Variants in CTNND2 observed in about 807,000 individuals in gnomAD.
The protein encoded by CTNND2 is catenin delta-2.
In CTNND2, 22 loss-of-function variants were observed where a neutral mutation model predicts 144.4. The ratio of observed to expected loss-of-function variants is 0.15; its 90% confidence interval spans 0.11 to 0.22. CTNND2 has a LOEUF of 0.22. CTNND2 is among the 10% of genes least tolerant of loss of function. The pLI is 1.00. For synonymous variants in CTNND2, 751 were observed against 695.6 expected (o/e 1.08, Z -1.25); for missense variants, 1,353 against 1,618.8 (o/e 0.84, Z 2.82).
intron 6 of CTNND2, among the ~76,000 whole-genome samples, chr5:11,394,644 AATATTTT>A (rs1400216056): frequency 6.6e-6 from 1 of 152,212 alleles, no homozygotes; most frequent in Admixed American, 6.5e-5. Flanking sequence ...TCAGAGAACA[AATATTTT>A]ATGGCAATTT....
intron 3 of CTNND2, among the ~76,000 whole-genome samples, chr5:11,438,463 T>C (rs879619453): frequency 2.0e-5 from 3 of 152,100 alleles, no homozygotes; most frequent in Non-Finnish European, 4.4e-5. Context: ...ACACGTGGTG[T>C]TGAGAAAAGC....
At chr5:11,661,940 A>G (rs1783228872) in intron 2 of CTNND2, among the ~76,000 whole-genome samples, 1 of 151,606 alleles carries the variant, frequency 6.6e-6, no homozygotes, top group East Asian at 1.9e-4. Context: ...TAGATTCTGT[A>G]TTAGGGTTCT....
chr5:11,066,461 TC>T lies in CTNND2; in HGVS notation c.2788+16234del, dbSNP rs1349599711. On this transcript the variant is annotated intron_variant, in intron 16 of 21. Transcript: ENST00000304623. Reference sequence around the variant, plus strand: ...ACCTACAGCCCCCCTCACTCCCTCCTCCCCCACCCTGACCCCTGCCATCCCC... The same window carrying T: ...ACCTACAGCCCCCCTCACTCCCTCCTCCCCACCCTGACCCCTGCCATCCCC... Among the ~76,000 whole-genome samples, 9 of 103,634 alleles carry T rather than the reference TC, an allele frequency of 8.7e-5. No homozygotes were observed. In the East Asian group the frequency reaches 2.2e-3, roughly 26 times the overall value. 68.0% of individuals were successfully genotyped at this position (103,634 alleles called of 152,430 possible).
At chr5:11,887,808 A>T (rs1282583351) in intron 1 of CTNND2, among the ~76,000 whole-genome samples, 4 of 152,110 alleles carry the variant, frequency 2.6e-5, no homozygotes, top group Non-Finnish European at 4.4e-5. Context: ...CTTGTTTTTG[A>T]TGCCTTTGAC....
intron 3 of CTNND2, among the ~76,000 whole-genome samples, chr5:11,495,384 ATTAT>A (rs913348514): frequency 1.6e-5 from 2 of 121,958 alleles, no homozygotes; most frequent in African/African-American, 2.7e-5. Flanking sequence ...CTTTAAAATA[ATTAT>A]TTATTCAAAT....
Position 11,339,407 on chromosome 5 carries a change from G to A in CTNND2, c.1628+6965C>T, listed in dbSNP as rs149866942. 4.4e-3 allele frequency among the ~76,000 whole-genome samples: 669 copies of A among 152,272 alleles called. 4 individuals are homozygous for A. Among genetic ancestry groups the A allele is most frequent in the African/African-American group, 0.015 (621 of 41,554 alleles). On this transcript the variant is annotated intron_variant, in intron 9 of 21. Transcript: ENST00000304623. The stretch of plus-strand genomic sequence containing the variant: ...GACAAAAGCAGTACCGCGGGAGGAG[G>A]TGAGGGCTGGTACATGGTGAGGAAC...
At chr5:11,600,533 C>G (rs923860892) in intron 2 of CTNND2, among the ~76,000 whole-genome samples, 4 of 151,684 alleles carry the variant, frequency 2.6e-5, no homozygotes, top group East Asian at 2.0e-4. Context: ...TAGTGAAACC[C>G]CATCTCTACT....
rs369958188 is a variant in CTNND2 at position 11,654,389 on chromosome 5, T to C, written c.174+77747A>G. On this transcript the variant is annotated intron_variant, in intron 2 of 21. Transcript: ENST00000304623. ...AGCATGGGTTATCTCTCAATTTGTG[T>C]CATCTTCAATGTCTTTCATCAATGT... 7.6e-4 allele frequency among the ~76,000 whole-genome samples: 115 copies of C among 152,244 alleles called. 4 individuals carry two copies. In the South Asian group the frequency reaches 0.023, roughly 31 times the overall value.
intron 2 of CTNND2, among the ~76,000 whole-genome samples, chr5:11,709,065 T>C (rs148947482): frequency 1.3e-3 from 204 of 152,282 alleles, no homozygotes; most frequent in Non-Finnish European, 1.4e-3. Context: ...TCCTGTAAGA[T>C]TGAAGAATGG....
chr5:11,076,777 A>T (rs536166541), intron 16 of CTNND2, among the ~76,000 whole-genome samples: 1 of 152,288 alleles, frequency 6.6e-6, no homozygotes, highest in African/African-American at 2.4e-5. Flanking sequence ...GCCTATTTAG[A>T]GTTTCCCCGA....
At chr5:11,271,669 T>C (rs1272108919) in intron 9 of CTNND2, among the ~76,000 whole-genome samples, 1 of 152,196 alleles carries the variant, frequency 6.6e-6, no homozygotes, top group African/African-American at 2.4e-5. Context: ...ATGATGGGCT[T>C]AGATGATACG....
intron 9 of CTNND2, among the ~76,000 whole-genome samples, chr5:11,240,247 ACT>A (rs1486544764): frequency 6.7e-5 from 8 of 119,526 alleles, no homozygotes; most frequent in Non-Finnish European, 1.4e-4. Flanking sequence ...CAACACACAC[ACT>A]CACACACCCA....
In CTNND2 at chr5:11,903,722, G is replaced by C. The variant is rs527982987; in HGVS notation, c.37+95C>G. The C allele has an allele frequency of 1.0e-4, 129 of 1,266,934 alleles. 2 individuals carry two copies. Among genetic ancestry groups the C allele is most frequent in the South Asian group, 5.9e-4 (36 of 60,922 alleles). 78.5% of individuals were successfully genotyped at this position (1,266,934 alleles called of 1,614,324 possible). ...CAGCCGCCGCCGCCGCCTGCCGGCCGGGAGCCCAGGACCACCCCCACCAGC... is the reference window on the plus strand; with the variant it reads ...CAGCCGCCGCCGCCGCCTGCCGGCCCGGAGCCCAGGACCACCCCCACCAGC... On this transcript the variant is annotated intron_variant, in intron 1 of 21. Coordinates refer to ENST00000304623, the MANE Select transcript of CTNND2 (RefSeq NM_001332.4). The surrounding 1 kb of genome is among the most constrained non-coding windows in gnomAD (Gnocchi z 5.4).
At chr5:11,549,988 CTATT>C (rs1292364308) in intron 3 of CTNND2, among the ~76,000 whole-genome samples, 2 of 152,136 alleles carry the variant, frequency 1.3e-5, no homozygotes, top group East Asian at 3.8e-4. Context: ...CATTTCCTAT[CTATT>C]CACGCATATA....
At chr5:11,479,452 A>G (rs79629112) in intron 3 of CTNND2, among the ~76,000 whole-genome samples, 1 of 152,234 alleles carries the variant, frequency 6.6e-6, no homozygotes, top group African/African-American at 2.4e-5. Context: ...TAGTGCTGCA[A>G]TGAACATACA....
chr5:11,242,724 T>A (rs1022112779), intron 9 of CTNND2, among the ~76,000 whole-genome samples: 2 of 152,176 alleles, frequency 1.3e-5, no homozygotes, highest in African/African-American at 4.8e-5. Flanking sequence ...ATGTTGTAAA[T>A]CTTTCCCTCC....
At chr5:11,528,329 G>T (rs1773444918) in intron 3 of CTNND2, among the ~76,000 whole-genome samples, 1 of 151,962 alleles carries the variant, frequency 6.6e-6, no homozygotes, top group Non-Finnish European at 1.5e-5. Flanking sequence ...TGGCTTTCTG[G>T]GTTTTCATTT....
chr5:11,445,542 G>A (rs1469165954), intron 3 of CTNND2, among the ~76,000 whole-genome samples: 2 of 152,186 alleles, frequency 1.3e-5, no homozygotes, highest in African/African-American at 2.4e-5. Context: ...CAGAGGGACT[G>A]GAGGCCTGGC....
chr5:11,564,641 C>T (rs1039857283), intron 3 of CTNND2, among the ~76,000 whole-genome samples: 11 of 151,652 alleles, frequency 7.3e-5, no homozygotes, highest in South Asian at 2.1e-4. Flanking sequence ...GTCCCAAACT[C>T]GGAGACTGTG....
Sources: allele counts gnomAD v4.1 joint callset (sites outside exome capture counted in the v4.1 genomes callset), GRCh38; gene constraint gnomAD v4.1.1; non-coding constraint Gnocchi (gnomAD v3.1); transcripts MANE v1.5; gene names NCBI Gene and HGNC (gene_info 2026-07-23, HGNC 2026-07-21).